LIN7A: variants seen among roughly 807,000 people sequenced by gnomAD.
LIN7A encodes the protein lin-7 cell polarity scaffold A.
In LIN7A, 25 loss-of-function variants were observed where a neutral mutation model predicts 29.8. The ratio of observed to expected loss-of-function variants is 0.84; its 90% CI spans 0.61 to 1.17. LIN7A has a LOEUF of 1.17. LIN7A is among the 50% of genes most tolerant of loss of function. The pLI is 0.00. For missense variants in LIN7A, 239 were observed against 287.0 expected (o/e 0.83, Z 1.21); for synonymous variants, 118 against 107.5 (o/e 1.10, Z -0.60).
At chr12:80,832,560 C>G in intron 4 of LIN7A, 1 of 477,296 alleles carries the variant, frequency 2.1e-6, no homozygotes, top group South Asian at 1.6e-5. Context: ...TCAGAAGGAG[C>G]CTGGACTTAC....
chr12:80,798,322 T>G (rs1242728250), intron 5 of LIN7A, among the ~76,000 whole-genome samples: 2 of 152,194 alleles, frequency 1.3e-5, no homozygotes, highest in African/African-American at 4.8e-5. Context: ...GAGAGAACAG[T>G]GATTTTTACA....
At chr12:80,932,279 C>T (rs1415342455) in intron 1 of LIN7A, among the ~76,000 whole-genome samples, 1 of 152,098 alleles carries the variant, frequency 6.6e-6, no homozygotes, top group Non-Finnish European at 1.5e-5. Flanking sequence ...ACTTGTTTTC[C>T]ATAAGGTTGA....
At chr12:80,878,837 C>T (rs890580828) in intron 2 of LIN7A, among the ~76,000 whole-genome samples, 11 of 152,100 alleles carry the variant, frequency 7.2e-5, no homozygotes, top group African/African-American at 2.4e-4. Flanking sequence ...TTTTACAAAC[C>T]TCTAGCTAGT....
At chr12:80,807,870 C>T (rs1871118500) in intron 5 of LIN7A, among the ~76,000 whole-genome samples, 1 of 152,200 alleles carries the variant, frequency 6.6e-6, no homozygotes, top group African/African-American at 2.4e-5. Flanking sequence ...ACATTAGCCT[C>T]CTAATTGGTC....
chr12:80,823,694 A>G (rs1335314165), intron 4 of LIN7A, among the ~76,000 whole-genome samples: 1 of 152,248 alleles, frequency 6.6e-6, no homozygotes, highest in Non-Finnish European at 1.5e-5. Context: ...GCGTCACTGG[A>G]CACAGAGGCT....
In LIN7A at chr12:80,845,850, A is replaced by G; in HGVS notation, c.363T>C (p.Asn121=). Residue 121 remains asparagine, a synonymous_variant, in exon 4 of 6, where the codon AAT becomes AAC. Coordinates refer to ENST00000552864, the MANE Select transcript of LIN7A (RefSeq NM_004664.4). ...AATTTTGCTCCTTTCCTCCCATCAC[A>G]TTAAAACCAAGGCCTTCATCAGTCT... ...LPKTDEGLGF[N]VMGGKEQNSP... is the part of the protein sequence containing the mutation. 3 of 1,613,794 alleles carry G rather than the reference A, an allele frequency of 1.9e-6. No homozygotes were observed. Among genetic ancestry groups the G allele is most frequent in the South Asian group, 2.2e-5 (2 of 91,048 alleles).
At chr12:80,898,720 C>T (rs1165985053) in intron 1 of LIN7A, among the ~76,000 whole-genome samples, 1 of 152,006 alleles carries the variant, frequency 6.6e-6, no homozygotes, top group Admixed American at 6.6e-5. Context: ...AGCTGTATTC[C>T]TAGCTATTTT....
chr12:80,918,745 C>A (rs1877147872), intron 1 of LIN7A, among the ~76,000 whole-genome samples: 3 of 152,180 alleles, frequency 2.0e-5, no homozygotes, highest in Admixed American at 2.0e-4. Flanking sequence ...ACTTAAAATT[C>A]ATCTCTAAAT....
At chr12:80,855,961 C>A (rs577888766) in intron 2 of LIN7A, among the ~76,000 whole-genome samples, 1 of 152,194 alleles carries the variant, frequency 6.6e-6, no homozygotes, top group South Asian at 2.1e-4. Flanking sequence ...CTATAGCTAT[C>A]CATATAGCTT....
chr12:80,850,693 G>C (rs1215844721), intron 2 of LIN7A, among the ~76,000 whole-genome samples: 1 of 152,112 alleles, frequency 6.6e-6, no homozygotes, highest in Non-Finnish European at 1.5e-5. Context: ...ATGTCAATAG[G>C]GCTGAGATTG....
At chr12:80,933,447 C>T (rs140161027) in intron 1 of LIN7A, among the ~76,000 whole-genome samples, 2 of 152,248 alleles carry the variant, frequency 1.3e-5, no homozygotes, top group East Asian at 1.9e-4. Context: ...TACACCAAAA[C>T]GTAGTTTAAA....
intron 4 of LIN7A, among the ~76,000 whole-genome samples, chr12:80,828,219 A>G (rs1266889512): frequency 1.3e-5 from 2 of 152,196 alleles, no homozygotes; most frequent in African/African-American, 2.4e-5. Context: ...CCTGGCTTGC[A>G]TATATTAGGA....
chr12:80,845,268 A>C (rs541699511), intron 4 of LIN7A, among the ~76,000 whole-genome samples: 2 of 151,460 alleles, frequency 1.3e-5, no homozygotes, highest in Non-Finnish European at 2.9e-5. Flanking sequence ...TTTTGAGTGC[A>C]TTAGCCTTTT....
chr12:80,909,100 G>A (rs1876626855), intron 1 of LIN7A, among the ~76,000 whole-genome samples: 1 of 151,918 alleles, frequency 6.6e-6, no homozygotes, highest in Non-Finnish European at 1.5e-5. Context: ...TATTGGTTTA[G>A]GTCTTACATT....
At position 80,802,893 on chromosome 12, in the gene LIN7A, C is replaced by T. The variant is rs140860265; in HGVS notation, c.*1-5167G>A. On this transcript the variant is annotated intron_variant, in intron 5 of 5. Coordinates refer to ENST00000552864, the MANE Select transcript of LIN7A (RefSeq NM_004664.4). ...TTTGCATTACCCTGATTATTAGTGA[C>T]AATGAGCATTTTTCATGCATCTGTT... Among the ~76,000 whole-genome samples, 466 of 152,226 alleles carry T rather than the reference C, an allele frequency of 3.1e-3. 2 individuals carry two copies. The highest frequency in any genetic ancestry group is 0.011 in the African/African-American group (447 of 41,548).
intron 1 of LIN7A, among the ~76,000 whole-genome samples, chr12:80,890,323 A>G (rs1001642479): frequency 6.6e-6 from 1 of 152,158 alleles, no homozygotes; most frequent in South Asian, 2.1e-4. Context: ...GTTATAGGAC[A>G]TGAGGTTTTC....
intron 2 of LIN7A, among the ~76,000 whole-genome samples, chr12:80,881,049 C>G (rs1012303582): frequency 6.6e-6 from 1 of 152,066 alleles, no homozygotes; most frequent in Non-Finnish European, 1.5e-5. Context: ...AAAGCTTTCT[C>G]CAGTTATTTA....
intron 2 of LIN7A, among the ~76,000 whole-genome samples, chr12:80,873,267 C>T (rs570877168): frequency 2.0e-4 from 31 of 152,198 alleles, no homozygotes; most frequent in Non-Finnish European, 4.3e-4. Flanking sequence ...CAGTGGCTCA[C>T]ACCTGTAATC....
chr12:80,883,433 G>C (rs1389012517), intron 2 of LIN7A, among the ~76,000 whole-genome samples: 1 of 152,134 alleles, frequency 6.6e-6, no homozygotes, highest in Non-Finnish European at 1.5e-5. Flanking sequence ...TGAAATTAGG[G>C]TGCAATAGCT....
Sources: gnomAD v4.1 joint callset for allele counts (sites outside exome capture counted in the v4.1 genomes callset) on GRCh38, gnomAD v4.1.1 for gene constraint, MANE v1.5 for transcripts, NCBI Gene and HGNC (gene_info 2026-07-23, HGNC 2026-07-21) for gene names.